ECD: variants seen among roughly 807,000 people sequenced by gnomAD.
The protein encoded by ECD is ecdysoneless cell cycle regulator.
ECD carries 59 observed loss-of-function variants against 77.2 expected under a neutral mutation model. That is an observed-to-expected ratio of 0.76 (90% CI 0.62 to 0.95). The LOEUF (loss-of-function observed/expected upper bound fraction) is 0.95. Among genes scored for constraint, ECD ranks in the 40% least tolerant of loss-of-function variants. ECD has a pLI of 0.00. For synonymous variants in ECD, 233 were observed against 267.4 expected, an observed-to-expected ratio of 0.87 and a Z score of 1.26; for missense variants, 704 against 763.4, an observed-to-expected ratio of 0.92 and a Z score of 0.92.
At position 73,152,388 on chromosome 10, in the gene ECD, C is replaced by T; in HGVS notation, c.817G>A (p.Val273Met). 1 of 1,613,736 alleles carries T rather than the reference C, an allele frequency of 6.2e-7. No homozygotes were observed. The highest frequency in any genetic ancestry group is 8.5e-7 in the Non-Finnish European group (1 of 1,179,776). Residue 273 changes from valine (V) to methionine (M), a missense_variant, in exon 7 of 14, where the codon GTG (valine) becomes ATG (methionine). Physicochemically the swap from Val to Met is conservative, Grantham distance 21. Coordinates refer to ENST00000372979, the MANE Select transcript of ECD (RefSeq NM_007265.3). ...CGGTCTGGCACAAACCTTTGTTGCACCAATTGTGCATATAGACATTTAGTG... is the reference window on the plus strand; with the variant it reads ...CGGTCTGGCACAAACCTTTGTTGCATCAATTGTGCATATAGACATTTAGTG... The part of the protein sequence containing the change: ...TFTKCLYAQL[V>M]QQRFVPDRRS...
rs192614407 is a variant in ECD, at chr10:73,148,224, C to A, written c.1041+52G>T. Reference sequence around the variant, plus strand: ...GGACTATAGGACTTTAAGTCGCTGGCTTGATTTTCCCTGGATTGAATACTT... The same window carrying A: ...GGACTATAGGACTTTAAGTCGCTGGATTGATTTTCCCTGGATTGAATACTT... On this transcript the variant is annotated intron_variant, in intron 8 of 13. Coordinates refer to ENST00000372979, the MANE Select transcript of ECD (RefSeq NM_007265.3). 4,352 of 1,595,494 alleles carry A rather than the reference C, an allele frequency of 2.7e-3. 10 individuals are homozygous for A. The highest frequency in any genetic ancestry group is 3.3e-3 in the Non-Finnish European group (3,832 of 1,170,442).
chr10:73,156,508 T>C (rs1253636311), intron 4 of ECD, 55 bp from the exon 5 acceptor site: 14 of 1,611,622 alleles, frequency 8.7e-6, no homozygotes, highest in Non-Finnish European at 1.2e-5. Context: ...TGCAGGTACA[T>C]ATGAATGTAA....
rs567220614 is a variant in ECD at position 73,155,893 on chromosome 10, C to T, written c.590+382G>A. On this transcript the variant is annotated intron_variant, in intron 5 of 13. Coordinates refer to ENST00000372979, the MANE Select transcript of ECD (RefSeq NM_007265.3). ...TGCTGGGATTACAGGTGTGAGCCAT[C>T]GCTCCAGGCCCATGAAGTTTCTATT... Among the ~76,000 whole-genome samples the T allele has an allele frequency of 8.8e-4, 134 of 152,180 alleles. 1 individual carries two copies. In the South Asian group the frequency reaches 0.026, roughly 30 times the overall value.
chr10:73,156,297 C>A lies in ECD; in HGVS notation c.568G>T (p.Ala190Ser), dbSNP rs370474802. ...KILASESIRA[A>S]VNRRIRGYPE... ...TACCCTCTGATGCGCCTATTCACAGCAGCTCGTATAGATTCTGAAGCAAGT... is the reference window on the plus strand; with the variant it reads ...TACCCTCTGATGCGCCTATTCACAGAAGCTCGTATAGATTCTGAAGCAAGT... The change falls in exon 5 of 14, where the codon GCT becomes TCT. Residue 190 changes from alanine to serine, a missense_variant. Around this residue, in one of 3 missense-constraint regions of ECD, gnomAD observed 559 missense variants for 583.7 expected, o/e 0.96. Transcript: ENST00000372979. 2.7e-5 allele frequency: 44 copies of A among 1,601,460 alleles called. No individual in the cohort carries two copies. Among genetic ancestry groups the A allele is most frequent in the Non-Finnish European group, 3.6e-5 (42 of 1,176,180 alleles).
chr10:73,137,027 CAG>C, intron 12 of ECD, 109 bp from the exon 13 acceptor site: 1 of 539,920 alleles, frequency 1.9e-6, no homozygotes, highest in Non-Finnish European at 2.6e-6. Context: ...ATGTTACCCA[CAG>C]AAAAAGACTA....
chr10:73,150,394 A>G (rs1281377379), intron 7 of ECD, among the ~76,000 whole-genome samples: 2 of 152,354 alleles, frequency 1.3e-5, no homozygotes, highest in African/African-American at 2.4e-5. Flanking sequence ...TGAAGACTTA[A>G]ATGTTAGACC....
chr10:73,155,594 CTTT>C (rs537974204), intron 5 of ECD, among the ~76,000 whole-genome samples: 4 of 124,816 alleles, frequency 3.2e-5, no homozygotes, highest in African/African-American at 1.2e-4. Context: ...TAGGTTTCTA[CTTT>C]TTTTTTTTTT....
chr10:73,137,648 C>G (rs557850982), intron 12 of ECD, among the ~76,000 whole-genome samples: 1 of 151,878 alleles, frequency 6.6e-6, no homozygotes, highest in Non-Finnish European at 1.5e-5. Context: ...TGGTGGCAGG[C>G]GCCTGTAGTC....
intron 1 of ECD, among the ~76,000 whole-genome samples, chr10:73,165,555 T>C (rs1289743887): frequency 6.6e-6 from 1 of 151,394 alleles, no homozygotes; most frequent in African/African-American, 2.4e-5. Flanking sequence ...TTTTACCATA[T>C]TGGCCAGGCT....
chr10:73,158,984 T>A (rs1288836947), intron 3 of ECD, among the ~76,000 whole-genome samples: 1 of 152,194 alleles, frequency 6.6e-6, no homozygotes, highest in Non-Finnish European at 1.5e-5. Context: ...CTGAAATATT[T>A]AAGGATCAAA....
rs928377469 is a variant in ECD, at chr10:73,161,549, G to T, written c.206-998C>A. On this transcript the variant is annotated intron_variant, in intron 2 of 13. Transcript: ENST00000372979. ...CAGATCTATAACTAGTAAGGAGATTGAATCAATAATCCAAAAGCTCCTAAC... is the reference window on the plus strand; with the variant it reads ...CAGATCTATAACTAGTAAGGAGATTTAATCAATAATCCAAAAGCTCCTAAC... Among the ~76,000 whole-genome samples, 6 of 152,256 alleles carry T rather than the reference G, an allele frequency of 3.9e-5. No homozygotes were observed. In the South Asian group the frequency reaches 1.2e-3, roughly 32 times the overall value.
In ECD at chr10:73,148,352, C is replaced by G; in HGVS notation, c.965G>C (p.Cys322Ser). ...CSKCSPHFSDCKKSLVTASPL... is the reference protein window; with the variant it reads ...CSKCSPHFSDSKKSLVTASPL... ...TGAGGCAGTCACAAGGGATTTCTTG[C>G]AGTCAGAAAAATGTGGGCTACATTT... The change falls in exon 8 of 14, where the codon TGC becomes TCC. Residue 322 changes from cysteine (C) to serine (S), a missense_variant. Physicochemically the swap from Cys to Ser is moderately radical, Grantham distance 112 (BLOSUM62 -1). Coordinates refer to ENST00000372979, the MANE Select transcript of ECD (RefSeq NM_007265.3). The G allele has an allele frequency of 6.2e-7, 1 of 1,613,906 alleles. No homozygotes were observed. The highest frequency in any genetic ancestry group is 1.1e-5 in the South Asian group (1 of 91,048).
intron 1 of ECD, among the ~76,000 whole-genome samples, chr10:73,165,500 C>T (rs557032638): frequency 2.6e-5 from 4 of 151,930 alleles, no homozygotes; most frequent in South Asian, 2.1e-4. Context: ...TATAGGCGCA[C>T]GCCACCACAC....
chr10:73,156,357 C>CACATATAA lies in ECD; in HGVS notation c.507_508insTTATATGT (p.Ala170LeufsTer5). The CACATATAA allele has an allele frequency of 6.2e-7, 1 of 1,613,916 alleles. No individual in the cohort carries two copies. Among genetic ancestry groups the CACATATAA allele is most frequent in the Non-Finnish European group, 8.5e-7 (1 of 1,179,956 alleles). ...GAATGTGCTGTGATTATATTCAATG[C>CACATATAA]TTGTGGAATTGTTGGGGGTGTGGTG... On this transcript the variant is annotated frameshift_variant, in exon 5 of 14. Coordinates refer to ENST00000372979, the MANE Select transcript of ECD (RefSeq NM_007265.3). LOFTEE classifies it high-confidence loss of function.
intron 9 of ECD, among the ~76,000 whole-genome samples, chr10:73,144,855 TTAA>T (rs1237621830): frequency 6.6e-6 from 1 of 152,142 alleles, no homozygotes; most frequent in Non-Finnish European, 1.5e-5. Flanking sequence ...GTGACTACAG[TTAA>T]TAATAATTTA....
intron 1 of ECD, among the ~76,000 whole-genome samples, chr10:73,166,090 C>T (rs1843454724): frequency 6.6e-6 from 1 of 152,124 alleles, no homozygotes; most frequent in South Asian, 2.1e-4. Flanking sequence ...CTGTGCCATC[C>T]TTATTTCACT....
chr10:73,158,004 C>G (rs1843322325), intron 3 of ECD, among the ~76,000 whole-genome samples: 2 of 151,762 alleles, frequency 1.3e-5, no homozygotes, highest in Non-Finnish European at 2.9e-5. Context: ...CTCTGTCGCA[C>G]AGGCTGGAAT....
chr10:73,156,165 T>C, intron 5 of ECD, 110 bp downstream of exon 5: 1 of 965,544 alleles, frequency 1.0e-6, no homozygotes, highest in Non-Finnish European at 1.5e-6. Flanking sequence ...AAAGAAAGAC[T>C]GATCAACTCC....
intron 13 of ECD, among the ~76,000 whole-genome samples, chr10:73,136,282 C>T (rs910236764): frequency 1.3e-5 from 2 of 152,038 alleles, no homozygotes; most frequent in African/African-American, 4.8e-5. Context: ...GTTTAAGATC[C>T]TGTTTATTTA....
Sources: allele counts gnomAD v4.1 joint callset (sites outside exome capture counted in the v4.1 genomes callset), GRCh38; gene constraint gnomAD v4.1.1; regional missense constraint gnomAD v4.1.1; transcripts MANE v1.5; gene names NCBI Gene and HGNC (gene_info 2026-07-23, HGNC 2026-07-21).